Variants in MACROD2 observed in about 807,000 individuals in gnomAD.
The protein encoded by MACROD2 is ADP-ribose glycohydrolase MACROD2.
MACROD2 carries 36 observed loss-of-function variants against 70.4 expected under a neutral mutation model. The ratio of observed to expected loss-of-function variants is 0.51; its 90% confidence interval spans 0.39 to 0.68. The LOEUF (loss-of-function observed/expected upper bound fraction) is 0.68, where lower values mean the gene tolerates loss of function less well. MACROD2 is among the 30% of genes least tolerant of loss of function. The pLI is 0.00. For synonymous variants in MACROD2, 172 were observed against 178.8 expected, an observed-to-expected ratio of 0.96 and a Z score of 0.30; for missense variants, 496 against 538.4, an observed-to-expected ratio of 0.92 and a Z score of 0.78.
At chr20:14,228,229 A>G (rs922539497) in intron 3 of MACROD2, among the ~76,000 whole-genome samples, 1 of 152,042 alleles carries the variant, frequency 6.6e-6, no homozygotes, top group Non-Finnish European at 1.5e-5. Flanking sequence ...AAAGCAAGTG[A>G]AGTAAAATGT....
At chr20:14,983,038 A>C (rs372948550) in intron 5 of MACROD2, among the ~76,000 whole-genome samples, 1 of 152,138 alleles carries the variant, frequency 6.6e-6, no homozygotes, top group Admixed American at 6.5e-5. Context: ...ATGGGAACCC[A>C]CCTCTAGCAT....
chr20:14,920,527 C>T (rs2074149061), intron 5 of MACROD2, among the ~76,000 whole-genome samples: 1 of 152,082 alleles, frequency 6.6e-6, no homozygotes, highest in Admixed American at 6.5e-5. Context: ...TTTCTTTGCG[C>T]TCTCATTTAA....
rs138510332 is a variant in MACROD2 at position 15,976,658 on chromosome 20, A to G, written c.985+9028A>G. 2.2e-4 allele frequency among the ~76,000 whole-genome samples: 33 copies of G among 152,308 alleles called. No homozygotes were observed. The East Asian group carries it at 5.6e-3, about 26-fold the overall frequency. ...GTCAGGCATACCTTGTCTTTGTGCA[A>G]TACGCCAAAGCCTGCCTCGTTTTCA... On this transcript the variant is annotated intron_variant, in intron 13 of 17. Transcript: ENST00000684519.
At chr20:15,234,009 ATTCTTTTTTT>A (rs2076987614) in intron 6 of MACROD2, among the ~76,000 whole-genome samples, 9 of 39,988 alleles carry the variant, frequency 2.3e-4, no homozygotes, top group Admixed American at 2.1e-3. Context: ...ATATATATAT[ATTCTTTTTTT>A]TTTTTTTTTT....
At chr20:15,887,826 A>C (rs993264666) in intron 10 of MACROD2, among the ~76,000 whole-genome samples, 4 of 152,214 alleles carry the variant, frequency 2.6e-5, no homozygotes, top group Non-Finnish European at 5.9e-5. Context: ...TATAATCAAT[A>C]TAAAAATAGT....
At chr20:14,004,735 A>T (rs2052788663) in intron 2 of MACROD2, among the ~76,000 whole-genome samples, 2 of 152,184 alleles carry the variant, frequency 1.3e-5, no homozygotes, top group South Asian at 4.1e-4. Flanking sequence ...AAACGTTTTA[A>T]GTCATTGCTT....
chr20:15,618,022 C>T (rs1468104149), intron 8 of MACROD2, among the ~76,000 whole-genome samples: 3 of 148,572 alleles, frequency 2.0e-5, no homozygotes, highest in Admixed American at 6.7e-5. Context: ...GGGCACAGAT[C>T]GAGATGGGGG....
chr20:15,730,734 T>C lies in MACROD2; in HGVS notation c.646-132011T>C, dbSNP rs189569742. Among the ~76,000 whole-genome samples, 3 of 151,572 alleles carry C rather than the reference T, an allele frequency of 2.0e-5. No individual in the cohort carries two copies. The East Asian group carries it at 5.8e-4, about 29-fold the overall frequency. ...TCCTGAATTTGAATGTTGGTGTTTC[T>C]AATGAGGTTGGGGAGATTTTCATGG... On this transcript the variant is annotated intron_variant, in intron 8 of 17. Coordinates refer to ENST00000684519, the MANE Select transcript of MACROD2 (RefSeq NM_001351661.2).
intron 8 of MACROD2, among the ~76,000 whole-genome samples, chr20:15,516,371 G>A (rs1267255154): frequency 6.6e-6 from 1 of 152,004 alleles, no homozygotes; most frequent in Non-Finnish European, 1.5e-5. Flanking sequence ...TATTTATTTA[G>A]CAAATATTCA....
At chr20:14,213,968 G>A (rs1162488645) in intron 3 of MACROD2, among the ~76,000 whole-genome samples, 1 of 152,064 alleles carries the variant, frequency 6.6e-6, no homozygotes, top group Non-Finnish European at 1.5e-5. Context: ...AAATTTCATT[G>A]TGCCTCATAC....
intron 7 of MACROD2, among the ~76,000 whole-genome samples, chr20:15,450,569 T>C (rs2146392307): frequency 6.6e-6 from 1 of 152,286 alleles, no homozygotes; most frequent in African/African-American, 2.4e-5. Flanking sequence ...TGTGAGAGAA[T>C]GTGGTGTGTG....
chr20:14,862,333 ATATATTAATATATAAAAAT>A, intron 5 of MACROD2, among the ~76,000 whole-genome samples: 1 of 31,958 alleles, frequency 3.1e-5, no homozygotes, highest in Non-Finnish European at 5.2e-5. Flanking sequence ...ATATAAAAAT[ATATATTAATATATAAAAAT>A]ATATATATAA....
intron 8 of MACROD2, among the ~76,000 whole-genome samples, chr20:15,807,094 G>A (rs957260557): frequency 6.6e-6 from 1 of 152,112 alleles, no homozygotes; most frequent in Non-Finnish European, 1.5e-5. Flanking sequence ...TGTATTTCCA[G>A]AACATTTGTG....
chr20:15,508,147 G>A (rs755413756), intron 8 of MACROD2, among the ~76,000 whole-genome samples: 3 of 152,190 alleles, frequency 2.0e-5, no homozygotes, highest in Non-Finnish European at 2.9e-5. Flanking sequence ...AGGGTGGCTT[G>A]CTGTCTTCTG....
At chr20:14,006,130 G>GTT (rs2052816009) in intron 2 of MACROD2, among the ~76,000 whole-genome samples, 1 of 152,178 alleles carries the variant, frequency 6.6e-6, no homozygotes, top group Non-Finnish European at 1.5e-5. Flanking sequence ...GTAACATGCT[G>GTT]TATGGGTTTT....
At chr20:14,276,601 CAT>C (rs2082259823) in intron 3 of MACROD2, among the ~76,000 whole-genome samples, 1 of 151,580 alleles carries the variant, frequency 6.6e-6, no homozygotes, top group African/African-American at 2.4e-5. Flanking sequence ...ACATTGTGCA[CAT>C]GTACCCTAAA....
intron 7 of MACROD2, among the ~76,000 whole-genome samples, chr20:15,476,722 C>T (rs1275671337): frequency 6.6e-6 from 1 of 152,170 alleles, no homozygotes; most frequent in Non-Finnish European, 1.5e-5. Flanking sequence ...AGAAGAAAAA[C>T]CAGCAAGATA....
intron 7 of MACROD2, among the ~76,000 whole-genome samples, chr20:15,468,481 T>G (rs1384971576): frequency 2.0e-5 from 3 of 152,170 alleles, no homozygotes; most frequent in African/African-American, 7.2e-5. Flanking sequence ...ACTTAGGATG[T>G]ATTATGGCAT....
chr20:14,362,559 C>A (rs1314491719), intron 3 of MACROD2, among the ~76,000 whole-genome samples: 1 of 152,106 alleles, frequency 6.6e-6, no homozygotes, highest in Non-Finnish European at 1.5e-5. Context: ...AATTTCACAG[C>A]CCCAAGTTAA....
Sources: gnomAD v4.1 joint callset for allele counts (sites outside exome capture counted in the v4.1 genomes callset) on GRCh38, gnomAD v4.1.1 for gene constraint, MANE v1.5 for transcripts, NCBI Gene and HGNC (gene_info 2026-07-23, HGNC 2026-07-21) for gene names.